Variants in RBFOX1 observed in about 807,000 individuals in gnomAD.
RBFOX1 encodes the protein RNA binding protein fox-1 homolog 1.
Under a neutral mutation model 57.7 loss-of-function variants are expected in RBFOX1, and 8 were observed. That is an observed-to-expected ratio of 0.14 (90% CI 0.08 to 0.25). The LOEUF (loss-of-function observed/expected upper bound fraction) is 0.25, where lower values mean the gene tolerates loss of function less well. Among genes scored for constraint, RBFOX1 ranks in the 10% least tolerant of loss-of-function variants. RBFOX1 has a pLI of 1.00. For missense variants in RBFOX1, 611 were observed against 548.5 expected (o/e 1.11, Z -1.14); for synonymous variants, 326 against 222.4 (o/e 1.47, Z -4.15).
chr16:6,157,195 A>G (rs906761367), intron 1 of RBFOX1, among the ~76,000 whole-genome samples: 12 of 152,136 alleles, frequency 7.9e-5, no homozygotes, highest in African/African-American at 2.9e-4. Flanking sequence ...TGATTTATTT[A>G]TATTCCCTTT....
intron 5 of RBFOX1, among the ~76,000 whole-genome samples, chr16:7,546,216 A>T (rs2084479098): frequency 6.6e-6 from 1 of 151,980 alleles, no homozygotes; most frequent in Non-Finnish European, 1.5e-5. Flanking sequence ...AATCCCAGGT[A>T]CTTAGGAGCC....
chr16:6,842,847 G>T (rs1191246830), intron 3 of RBFOX1, among the ~76,000 whole-genome samples: 2 of 151,924 alleles, frequency 1.3e-5, no homozygotes, highest in Non-Finnish European at 1.5e-5. Context: ...ACAGGCCCCG[G>T]TGTGTGATGT....
intron 4 of RBFOX1, among the ~76,000 whole-genome samples, chr16:7,061,225 TA>T (rs566656669): frequency 1.1e-3 from 162 of 152,272 alleles, no homozygotes; most frequent in Middle Eastern, 0.01. Context: ...GCTTCTCTAG[TA>T]AAATAAGAAA....
At chr16:6,753,134 G>C (rs546708238) in intron 3 of RBFOX1, among the ~76,000 whole-genome samples, 1 of 152,074 alleles carries the variant, frequency 6.6e-6, no homozygotes, top group Non-Finnish European at 1.5e-5. Context: ...AACTTGTAGG[G>C]GGTATTTTAA....
intron 4 of RBFOX1, among the ~76,000 whole-genome samples, chr16:5,959,265 A>G (rs931025845): frequency 5.3e-5 from 8 of 152,222 alleles, no homozygotes; most frequent in Non-Finnish European, 1.0e-4. Flanking sequence ...TCTTGCCTTG[A>G]GAACCAATAG....
At chr16:7,590,352 C>G (rs991842203) in intron 7 of RBFOX1, among the ~76,000 whole-genome samples, 3 of 151,630 alleles carry the variant, frequency 2.0e-5, no homozygotes, top group African/African-American at 4.9e-5. Flanking sequence ...ATGTATATAA[C>G]TCAAGTATTT....
In RBFOX1 at chr16:7,320,959, T is replaced by C. The variant is rs113958190; in HGVS notation, c.28-197188T>C. Among the ~76,000 whole-genome samples the C allele has an allele frequency of 4.9e-4, 75 of 152,292 alleles. 1 individual carries two copies. In the Middle Eastern group the frequency reaches 0.01, roughly 21 times the overall value. On this transcript the variant is annotated intron_variant, in intron 4 of 15. Coordinates refer to ENST00000550418, the MANE Select transcript of RBFOX1 (RefSeq NM_018723.4). ...CCCAAATTTGGACCCAAACTTCTTA[T>C]GGCTTCAATAGCTGAGTTCCTGATC...
chr16:7,140,157 C>CCTCCCTCTCTCTCTCTCTCTCT lies in RBFOX1; in HGVS notation c.27+88062_27+88063insCCTCTCTCTCTCTCTCTCTCTC, dbSNP rs2073300584. On this transcript the variant is annotated intron_variant, in intron 4 of 15. Coordinates refer to ENST00000550418, the MANE Select transcript of RBFOX1 (RefSeq NM_018723.4). Reference sequence around the variant, plus strand: ...CATTCTCTTATTCTCTCCTTCTCTCCCTCTCTCTCTCTCTCTCTCTCTCTC... The same window carrying CCTCCCTCTCTCTCTCTCTCTCT: ...CATTCTCTTATTCTCTCCTTCTCTCCCTCCCTCTCTCTCTCTCTCTCTCTCTCTCTCTCTCTCTCTCTCTCTC... 2.0e-4 allele frequency among the ~76,000 whole-genome samples: 14 copies of CCTCCCTCTCTCTCTCTCTCTCT among 70,888 alleles called. 1 individual carries two copies. The highest frequency in any genetic ancestry group is 8.3e-4 in the African/African-American group (14 of 16,902). The allele number at this position is 70,888 out of a possible 152,430, so 46.5% of individuals were successfully genotyped here. A position where few individuals can be genotyped will look rare whatever the true frequency, so the allele number is the denominator to read the frequency against.
At chr16:7,274,796 T>C (rs1044073994) in intron 4 of RBFOX1, among the ~76,000 whole-genome samples, 1 of 152,096 alleles carries the variant, frequency 6.6e-6, no homozygotes, top group Admixed American at 6.6e-5. Flanking sequence ...GTGATTCTCA[T>C]GGCTCAGCCT....
At chr16:5,710,241 T>G in intron 3 of RBFOX1, among the ~76,000 whole-genome samples, 1 of 152,164 alleles carries the variant, frequency 6.6e-6, no homozygotes. Flanking sequence ...CTGAAGCAGC[T>G]AATTGTGGAT....
chr16:7,515,429 G>T (rs557653790), intron 4 of RBFOX1, among the ~76,000 whole-genome samples: 3 of 151,672 alleles, frequency 2.0e-5, no homozygotes, highest in Non-Finnish European at 4.4e-5. Context: ...TTATATACTG[G>T]AAGTGTGCTA....
At chr16:7,084,560 G>T (rs536012415) in intron 4 of RBFOX1, among the ~76,000 whole-genome samples, 1 of 152,152 alleles carries the variant, frequency 6.6e-6, no homozygotes, top group East Asian at 1.9e-4. Flanking sequence ...GGAATGTCAA[G>T]GTGCTGCCTC....
chr16:6,967,502 A>G (rs758873596), intron 3 of RBFOX1, among the ~76,000 whole-genome samples: 2 of 152,166 alleles, frequency 1.3e-5, no homozygotes, highest in Non-Finnish European at 2.9e-5. Context: ...ACGTTATTTC[A>G]GAAGAAAAAC....
chr16:6,582,842 T>A (rs2097555777), intron 2 of RBFOX1, among the ~76,000 whole-genome samples: 1 of 112,136 alleles, frequency 8.9e-6, no homozygotes, highest in East Asian at 3.6e-4. Flanking sequence ...ATGTTGGAGT[T>A]CATTTCAACA....
intron 4 of RBFOX1, among the ~76,000 whole-genome samples, chr16:5,953,812 C>G (rs1355379458): frequency 1.3e-5 from 2 of 151,868 alleles, no homozygotes; most frequent in Non-Finnish European, 2.9e-5. Context: ...CTGCTGTAAA[C>G]CTGCGTGTGC....
At chr16:6,965,430 G>A (rs561636929) in intron 3 of RBFOX1, among the ~76,000 whole-genome samples, 8 of 151,932 alleles carry the variant, frequency 5.3e-5, no homozygotes, top group East Asian at 1.9e-4. Flanking sequence ...GCAGCCTCCC[G>A]GGTTCAATTG....
Position 6,792,303 on chromosome 16 carries a change from C to T in RBFOX1, c.-16+137653C>T, listed in dbSNP as rs185446844. On this transcript the variant is annotated intron_variant, in intron 3 of 15. Coordinates refer to ENST00000550418, the MANE Select transcript of RBFOX1 (RefSeq NM_018723.4). ...ATAAATACATCTAAAGTTTGGAAAA[C>T]GTTGCTCAGGATGATCCCTAAGGAC... is the stretch of plus-strand genomic sequence containing the variant. Among the ~76,000 whole-genome samples the T allele has an allele frequency of 3.5e-3, 533 of 152,198 alleles. 4 individuals carry two copies. The highest frequency in any genetic ancestry group is 5.1e-3 in the Non-Finnish European group (344 of 68,000).
intron 4 of RBFOX1, among the ~76,000 whole-genome samples, chr16:7,164,627 T>C (rs561544036): frequency 6.6e-6 from 1 of 152,338 alleles, no homozygotes; most frequent in South Asian, 2.1e-4. Flanking sequence ...TAATTTCTTT[T>C]CTGTGTATAC....
intron 3 of RBFOX1, among the ~76,000 whole-genome samples, chr16:6,820,631 C>T (rs2091111539): frequency 6.6e-6 from 1 of 151,888 alleles, no homozygotes; most frequent in African/African-American, 2.4e-5. Context: ...TACAGTCCAG[C>T]CTGAGTGACA....
Sources: gnomAD v4.1 joint callset for allele counts (sites outside exome capture counted in the v4.1 genomes callset) on GRCh38, gnomAD v4.1.1 for gene constraint, MANE v1.5 for transcripts, NCBI Gene and HGNC (gene_info 2026-07-23, HGNC 2026-07-21) for gene names.